The following GRK3 variants were observed in gnomAD, a reference collection of about 807,000 sequenced individuals.
The protein encoded by GRK3 is adrenergic, beta, receptor kinase 2.
Under a neutral mutation model 95.7 loss-of-function variants are expected in GRK3, and 54 were observed. The ratio of observed to expected loss-of-function variants is 0.56; its 90% CI spans 0.45 to 0.71. The LOEUF (loss-of-function observed/expected upper bound fraction) is 0.71. Ranked by LOEUF, GRK3 falls within the 30% of genes least tolerant of loss-of-function variation. The probability of loss-of-function intolerance (pLI) is 0.00; values close to 1 mark genes in which losing one functional copy is unlikely to be tolerated. For missense variants in GRK3, 649 were observed against 851.2 expected, an observed-to-expected ratio of 0.76 and a Z score of 2.96; for synonymous variants, 281 against 290.8, an observed-to-expected ratio of 0.97 and a Z score of 0.34.
chr22:25,589,534 A>C (rs1818226791), intron 1 of GRK3, among the ~76,000 whole-genome samples: 1 of 152,218 alleles, frequency 6.6e-6, no homozygotes, highest in Non-Finnish European at 1.5e-5. Context: ...AGCAGTATAC[A>C]GTGTATGATA....
At chr22:25,607,464 C>T (rs2084459733) in intron 2 of GRK3, among the ~76,000 whole-genome samples, 1 of 152,074 alleles carries the variant, frequency 6.6e-6, no homozygotes, top group Admixed American at 6.6e-5. Context: ...ATTGCCCCCG[C>T]CAGCACATGC....
chr22:25,606,536 C>T (rs1258717735), intron 2 of GRK3, among the ~76,000 whole-genome samples: 4 of 152,144 alleles, frequency 2.6e-5, no homozygotes, highest in Non-Finnish European at 5.9e-5. Flanking sequence ...GTTCCGTTTG[C>T]GCCTTCCATC....
At chr22:25,701,537 G>A (rs2085258865) in intron 13 of GRK3, among the ~76,000 whole-genome samples, 1 of 152,208 alleles carries the variant, frequency 6.6e-6, no homozygotes, top group African/African-American at 2.4e-5. Flanking sequence ...GGGCCCATGT[G>A]CTGGAAATGG....
chr22:25,647,594 C>T, intron 3 of GRK3: 1 of 1,555,848 alleles, frequency 6.4e-7, no homozygotes, highest in Non-Finnish European at 8.9e-7. Context: ...GAAGACCTTT[C>T]ATTTAAGAAG....
chr22:25,631,590 A>T (rs2084664629), intron 2 of GRK3, among the ~76,000 whole-genome samples: 1 of 152,116 alleles, frequency 6.6e-6, no homozygotes, highest in African/African-American at 2.4e-5. Context: ...GTGCAGGTTT[A>T]TTGAGGTATA....
intron 7 of GRK3, among the ~76,000 whole-genome samples, chr22:25,672,885 T>TCTTATTGCATCATC (rs1201753063): frequency 6.6e-6 from 1 of 152,164 alleles, no homozygotes; most frequent in Non-Finnish European, 1.5e-5. Context: ...TTTCAGTCAT[T>TCTTATTGCATCATC]CTTATTGCAT....
intron 2 of GRK3, among the ~76,000 whole-genome samples, chr22:25,638,897 G>T (rs1268761540): frequency 2.0e-5 from 3 of 152,188 alleles, no homozygotes; most frequent in Non-Finnish European, 2.9e-5. Context: ...GTTGAGAAGG[G>T]ATATCTTAGA....
At chr22:25,592,077 T>G (rs1932510950) in intron 1 of GRK3, among the ~76,000 whole-genome samples, 1 of 152,230 alleles carries the variant, frequency 6.6e-6, no homozygotes, top group South Asian at 2.1e-4. Context: ...TTTTCCAAAG[T>G]GTGTGCTTCA....
intron 11 of GRK3, among the ~76,000 whole-genome samples, 180 bp downstream of exon 11, chr22:25,687,847 G>A (rs530504073): frequency 3.9e-5 from 6 of 152,276 alleles, no homozygotes; most frequent in East Asian, 1.9e-4. Context: ...GGGACGGAGC[G>A]CATGTCTGTC....
At chr22:25,649,356 A>G in intron 3 of GRK3, 1 of 603,834 alleles carries the variant, frequency 1.7e-6, no homozygotes, top group Non-Finnish European at 2.9e-6. Flanking sequence ...GGTAAACTGG[A>G]GTCCCAGATA....
intron 13 of GRK3, among the ~76,000 whole-genome samples, chr22:25,700,673 T>C (rs2085251439): frequency 6.6e-6 from 1 of 152,324 alleles, no homozygotes; most frequent in Admixed American, 6.5e-5. Flanking sequence ...CTGCAAGCTC[T>C]GCCTCACAGG....
In GRK3 at chr22:25,566,303, A is replaced by G. The variant is rs56275607; in HGVS notation, c.113+1150A>G. The stretch of plus-strand genomic sequence containing the variant: ...GGAATCTAAACCAAAGTTATTGTCC[A>G]TTTGAAATCATCAGTCCTTCAAGCG... On this transcript the variant is annotated intron_variant, in intron 1 of 20. Transcript: ENST00000324198. Among the ~76,000 whole-genome samples, 369 of 152,340 alleles carry G rather than the reference A, an allele frequency of 2.4e-3. 1 individual carries two copies. The highest frequency in any genetic ancestry group is 8.5e-3 in the African/African-American group (353 of 41,568).
intron 1 of GRK3, among the ~76,000 whole-genome samples, chr22:25,601,985 A>T (rs2084412388): frequency 6.6e-6 from 1 of 152,206 alleles, no homozygotes; most frequent in African/African-American, 2.4e-5. Context: ...ATTGGAACTC[A>T]TCAACTAAGC....
intron 4 of GRK3, 123 bp from the exon 5 acceptor site, chr22:25,663,507 A>C (rs1477861316): frequency 1.7e-6 from 1 of 592,070 alleles, no homozygotes. Flanking sequence ...ATGTTTGTTA[A>C]TATAATTACC....
At chr22:25,573,045 T>G (rs1407662605) in intron 1 of GRK3, among the ~76,000 whole-genome samples, 7 of 152,198 alleles carry the variant, frequency 4.6e-5, no homozygotes, top group Admixed American at 4.6e-4. Flanking sequence ...ACTGGTCTCT[T>G]ATTATCCTTT....
At chr22:25,681,558 G>T (rs772890130) in intron 9 of GRK3, among the ~76,000 whole-genome samples, 1 of 151,986 alleles carries the variant, frequency 6.6e-6, no homozygotes, top group African/African-American at 2.4e-5. Context: ...GCCAGACCGT[G>T]AAGGGCATCG....
At chr22:25,610,389 C>A (rs1323562339) in intron 2 of GRK3, among the ~76,000 whole-genome samples, 1 of 152,128 alleles carries the variant, frequency 6.6e-6, no homozygotes, top group Admixed American at 6.5e-5. Flanking sequence ...GTTTCTTAAG[C>A]CTTGGATTTC....
At chr22:25,676,217 T>A (rs370222252) in intron 8 of GRK3, among the ~76,000 whole-genome samples, 60 of 152,278 alleles carry the variant, frequency 3.9e-4, no homozygotes, top group African/African-American at 1.4e-3. Flanking sequence ...TGAAACACAG[T>A]CCTCTGCAAC....
chr22:25,687,355 T>G (rs2085124046), intron 10 of GRK3, among the ~76,000 whole-genome samples, 182 bp from the exon 11 acceptor site: 1 of 152,142 alleles, frequency 6.6e-6, no homozygotes, highest in African/African-American at 2.4e-5. Flanking sequence ...ATCTTCTCAA[T>G]GTTTAAGTTT....
Sources: allele counts gnomAD v4.1 joint callset (sites outside exome capture counted in the v4.1 genomes callset), GRCh38; gene constraint gnomAD v4.1.1; transcripts MANE v1.5; gene names NCBI Gene and HGNC (gene_info 2026-07-23, HGNC 2026-07-21).